The following USP25 variants were observed in gnomAD, a reference collection of about 807,000 sequenced individuals.
USP25 encodes ubiquitin specific peptidase 25.
USP25 carries 85 observed loss-of-function variants against 158.5 expected under a neutral mutation model. That is an observed-to-expected ratio of 0.54 (90% CI 0.45 to 0.64). The LOEUF (loss-of-function observed/expected upper bound fraction) is 0.64, where lower values mean the gene tolerates loss of function less well. USP25 is among the 30% of genes least tolerant of loss of function. The pLI is 0.00. For synonymous variants in USP25, 464 were observed against 460.4 expected (o/e 1.01, Z -0.10); for missense variants, 1,242 against 1,327.3 (o/e 0.94, Z 1.00).
In USP25 at chr21:15,877,818, A is replaced by G; in HGVS notation, c.3032A>G (p.Glu1011Gly). Residue 1011 changes from glutamate to glycine, a missense_variant, in exon 25 of 26, where the codon GAA becomes GGA. Physicochemically the swap from Glu to Gly is moderately conservative, Grantham distance 98. Around this residue, in one of 3 missense-constraint regions of USP25, gnomAD observed 608 missense variants for 605.2 expected, o/e 1.00. Transcript: ENST00000400183. Reference protein sequence around the residue: ...CLLKLNEQAAELFESGEDREV... With the variant: ...CLLKLNEQAAGLFESGEDREV... ...AAGAAATTAAATGAGCAAGCCGCAG[A>G]ACTCTTCGAATCTGGAGAGGATCGA... 6.2e-7 allele frequency: 1 copy of G among 1,611,634 alleles called. No homozygotes were observed. The highest frequency in any genetic ancestry group is 2.2e-5 in the East Asian group (1 of 44,810).
chr21:15,794,920 G>A (rs530083375), intron 5 of USP25, among the ~76,000 whole-genome samples: 28 of 151,486 alleles, frequency 1.8e-4, no homozygotes, highest in Non-Finnish European at 3.5e-4. Flanking sequence ...AAAGTAGTAC[G>A]TGAGGATATT....
chr21:15,772,396 AT>A (rs1362830517), intron 3 of USP25, among the ~76,000 whole-genome samples: 1 of 152,190 alleles, frequency 6.6e-6, no homozygotes, highest in Admixed American at 6.5e-5. Context: ...ACATGATTTT[AT>A]ACAGTGGCAC....
chr21:15,778,421 A>C (rs191103932), intron 4 of USP25, among the ~76,000 whole-genome samples: 1 of 152,236 alleles, frequency 6.6e-6, no homozygotes, highest in East Asian at 1.9e-4. Flanking sequence ...TGTTATAGCT[A>C]TTCAGCTCTG....
chr21:15,803,346 G>T (rs866586591), intron 6 of USP25, among the ~76,000 whole-genome samples: 1 of 151,702 alleles, frequency 6.6e-6, no homozygotes, highest in Non-Finnish European at 1.5e-5. Flanking sequence ...TGGAAGCAAA[G>T]AATTGTAGCA....
At position 15,748,515 on chromosome 21, in the gene USP25, G is replaced by A. The variant is rs1388312876; in HGVS notation, c.46-14376G>A. The stretch of plus-strand genomic sequence containing the variant: ...GGGTCTCGCTCTGTTTCCCAGGCTG[G>A]TCTTGAATTCCTGGTGTTAAGCAAA... On this transcript the variant is annotated intron_variant, in intron 1 of 25. Transcript: ENST00000400183. Among the ~76,000 whole-genome samples the A allele has an allele frequency of 2.8e-5, 4 of 141,208 alleles. No homozygotes were observed. In the East Asian group the frequency reaches 6.1e-4, roughly 22 times the overall value. The allele number at this position is 141,208 out of a possible 152,430, so 92.6% of individuals were successfully genotyped here.
At chr21:15,733,574 C>T (rs2031178990) in intron 1 of USP25, among the ~76,000 whole-genome samples, 1 of 152,016 alleles carries the variant, frequency 6.6e-6, no homozygotes, top group Non-Finnish European at 1.5e-5. Flanking sequence ...GGAGTGGTGT[C>T]TCAAGCCTGT....
chr21:15,753,537 A>G (rs80297009), intron 1 of USP25, among the ~76,000 whole-genome samples: 2 of 152,228 alleles, frequency 1.3e-5, no homozygotes. Context: ...TGAGATTGAC[A>G]GGACCAGAAC....
chr21:15,801,411 T>A (rs1007616875), intron 6 of USP25, among the ~76,000 whole-genome samples: 10 of 151,584 alleles, frequency 6.6e-5, no homozygotes, highest in African/African-American at 2.4e-4. Context: ...GGTGTCCCTT[T>A]AGCTTAAGGA....
intron 3 of USP25, among the ~76,000 whole-genome samples, chr21:15,777,178 A>AT (rs1368558315): frequency 6.6e-6 from 1 of 152,168 alleles, no homozygotes. Context: ...CATCAAGGCT[A>AT]TTTTTTATTA....
intron 5 of USP25, 34 bp downstream of exon 5, chr21:15,791,698 T>C: frequency 1.3e-6 from 2 of 1,583,596 alleles, no homozygotes; most frequent in Non-Finnish European, 1.7e-6. Context: ...TCTTATTTGA[T>C]GTGTGTGATA....
At chr21:15,803,723 G>A (rs973310161) in intron 6 of USP25, among the ~76,000 whole-genome samples, 2 of 151,858 alleles carry the variant, frequency 1.3e-5, no homozygotes, top group Non-Finnish European at 2.9e-5. Flanking sequence ...CTGATCTCAG[G>A]AAATTAAGGG....
At chr21:15,805,083 G>C (rs1263120338) in intron 6 of USP25, 38 bp from the exon 7 acceptor site, 1 of 1,544,952 alleles carries the variant, frequency 6.5e-7, no homozygotes, top group East Asian at 2.3e-5. Context: ...TTAATCTTCA[G>C]TTAAGGTGTT....
At chr21:15,834,806 AG>A (rs2037982519) in intron 17 of USP25, among the ~76,000 whole-genome samples, 2 of 152,224 alleles carry the variant, frequency 1.3e-5, no homozygotes, top group Non-Finnish European at 1.5e-5. Flanking sequence ...CCACCATTAT[AG>A]TGGCTGGTGA....
chr21:15,740,878 C>T (rs1466335865), intron 1 of USP25, among the ~76,000 whole-genome samples: 2 of 151,262 alleles, frequency 1.3e-5, no homozygotes, highest in Non-Finnish European at 2.9e-5. Flanking sequence ...TCTACACCAC[C>T]CCCCACCCCC....
At chr21:15,853,295 A>G (rs9653666) in intron 20 of USP25, among the ~76,000 whole-genome samples, 36,417 of 151,594 alleles carry the variant, frequency 0.24, 5,786 homozygotes, top group African/African-American at 0.46. Flanking sequence ...ATGTGTACAC[A>G]TGTGTACACA....
At chr21:15,760,757 T>G (rs1050914207) in intron 1 of USP25, among the ~76,000 whole-genome samples, 3 of 152,184 alleles carry the variant, frequency 2.0e-5, no homozygotes, top group Non-Finnish European at 4.4e-5. Flanking sequence ...CTTCCATAAC[T>G]TTTTTTCTCC....
intron 10 of USP25, among the ~76,000 whole-genome samples, chr21:15,823,606 ATAAATTTTTTTT>A (rs911269494): frequency 1.3e-5 from 2 of 152,126 alleles, no homozygotes; most frequent in African/African-American, 4.8e-5. Flanking sequence ...GATTTATGAT[ATAAATTTTTTTT>A]TGAGTACTCC....
At chr21:15,735,827 A>T (rs1222228701) in intron 1 of USP25, among the ~76,000 whole-genome samples, 1 of 152,156 alleles carries the variant, frequency 6.6e-6, no homozygotes, top group Non-Finnish European at 1.5e-5. Context: ...AATTTTAGGT[A>T]AAGTTTCCAA....
At chr21:15,742,872 C>T (rs760435186) in intron 1 of USP25, among the ~76,000 whole-genome samples, 18 of 152,242 alleles carry the variant, frequency 1.2e-4, no homozygotes, top group Non-Finnish European at 2.6e-4. Context: ...ACCACTGCCA[C>T]TCCGTGCTCA....
Sources: gnomAD v4.1 joint callset for allele counts (sites outside exome capture counted in the v4.1 genomes callset) on GRCh38, gnomAD v4.1.1 for gene constraint, gnomAD v4.1.1 regional missense constraint, MANE v1.5 for transcripts, NCBI Gene and HGNC (gene_info 2026-07-23, HGNC 2026-07-21) for gene names.